LRRC4C: variants seen among roughly 807,000 people sequenced by gnomAD.
The protein encoded by LRRC4C is leucine-rich repeat-containing protein 4C.
Under a neutral mutation model 33.6 loss-of-function variants are expected in LRRC4C, and 5 were observed. The ratio of observed to expected loss-of-function variants is 0.15; its 90% CI spans 0.08 to 0.31. The LOEUF (loss-of-function observed/expected upper bound fraction) is 0.31. LRRC4C is among the 10% of genes least tolerant of loss of function. LRRC4C has a pLI of 1.00. For synonymous variants in LRRC4C, 329 were observed against 302.0 expected (o/e 1.09, Z -0.93); for missense variants, 560 against 796.7 (o/e 0.70, Z 3.58).
intron 5 of LRRC4C, among the ~76,000 whole-genome samples, chr11:40,158,261 G>C (rs1369910782): frequency 6.6e-6 from 1 of 152,070 alleles, no homozygotes; most frequent in Non-Finnish European, 1.5e-5. Flanking sequence ...GGGGACTTGG[G>C]GGGAAGAGTG....
chr11:40,637,304 A>G (rs1434048552), intron 3 of LRRC4C, among the ~76,000 whole-genome samples: 4 of 152,186 alleles, frequency 2.6e-5, no homozygotes, highest in East Asian at 1.9e-4. Context: ...ACGTCCACCA[A>G]TTCTATGGCA....
At chr11:41,246,756 G>T (rs1326742169) in intron 1 of LRRC4C, among the ~76,000 whole-genome samples, 1 of 152,160 alleles carries the variant, frequency 6.6e-6, no homozygotes, top group Non-Finnish European at 1.5e-5. Context: ...TCATTTCACT[G>T]AGAAGAAAAA....
At chr11:40,777,375 A>G (rs1248008658) in intron 2 of LRRC4C, among the ~76,000 whole-genome samples, 2 of 152,096 alleles carry the variant, frequency 1.3e-5, no homozygotes, top group Non-Finnish European at 2.9e-5. Flanking sequence ...GTAGAACTAG[A>G]AATACTTGTT....
chr11:40,859,799 G>A (rs1000737487), intron 2 of LRRC4C, among the ~76,000 whole-genome samples: 31 of 152,130 alleles, frequency 2.0e-4, no homozygotes, highest in Non-Finnish European at 3.2e-4. Flanking sequence ...GAATGAGGCC[G>A]GACGCGGTGG....
intron 2 of LRRC4C, among the ~76,000 whole-genome samples, chr11:40,685,726 T>C (rs1944919605): frequency 6.6e-6 from 1 of 151,600 alleles, no homozygotes; most frequent in South Asian, 2.1e-4. Flanking sequence ...GAGAGAGAAC[T>C]TGATCAGTAC....
At chr11:40,150,672 G>C (rs137855893) in intron 5 of LRRC4C, among the ~76,000 whole-genome samples, 2 of 152,032 alleles carry the variant, frequency 1.3e-5, no homozygotes, top group Non-Finnish European at 1.5e-5. Context: ...TCAAACCCCT[G>C]AGGCTCAAGA....
At chr11:41,406,203 C>T (rs1289449632) in intron 1 of LRRC4C, among the ~76,000 whole-genome samples, 1 of 151,800 alleles carries the variant, frequency 6.6e-6, no homozygotes, top group Non-Finnish European at 1.5e-5. Context: ...GATGCAAATA[C>T]CAAAGGAATA....
At chr11:40,296,104 A>G (rs1944498281) in intron 4 of LRRC4C, among the ~76,000 whole-genome samples, 1 of 152,136 alleles carries the variant, frequency 6.6e-6, no homozygotes, top group African/African-American at 2.4e-5. Flanking sequence ...CATCTTTAAT[A>G]CTATCAGAAT....
intron 2 of LRRC4C, among the ~76,000 whole-genome samples, chr11:40,649,627 G>C (rs1372242147): frequency 6.6e-6 from 1 of 152,084 alleles, no homozygotes; most frequent in Admixed American, 6.6e-5. Context: ...AGTTTATGAA[G>C]ATAACAGGAT....
chr11:40,328,714 T>G (rs4547083), intron 3 of LRRC4C, among the ~76,000 whole-genome samples: 1 of 152,056 alleles, frequency 6.6e-6, no homozygotes, highest in Non-Finnish European at 1.5e-5. Flanking sequence ...CCCCAGAGAA[T>G]AACTTTGATA....
chr11:40,540,886 A>T (rs1212742046), intron 3 of LRRC4C, among the ~76,000 whole-genome samples: 1 of 152,170 alleles, frequency 6.6e-6, no homozygotes, highest in Non-Finnish European at 1.5e-5. Context: ...CCACGTATTA[A>T]ATTTAACATG....
chr11:40,758,801 A>G (rs1242671974), intron 2 of LRRC4C, among the ~76,000 whole-genome samples: 1 of 151,996 alleles, frequency 6.6e-6, no homozygotes, highest in African/African-American at 2.4e-5. Context: ...TCCCAGTTCA[A>G]CTGTCAAAAT....
At chr11:40,290,710 T>A (rs181217386) in intron 4 of LRRC4C, among the ~76,000 whole-genome samples, 1 of 152,198 alleles carries the variant, frequency 6.6e-6, no homozygotes, top group Admixed American at 6.5e-5. Context: ...TTGTCGATCT[T>A]ATTTTTTTTT....
chr11:41,378,539 G>T (rs2137861970), intron 1 of LRRC4C, among the ~76,000 whole-genome samples: 1 of 152,226 alleles, frequency 6.6e-6, no homozygotes, highest in African/African-American at 2.4e-5. Flanking sequence ...AGTGGAAACA[G>T]TTCTGGGAAA....
chr11:41,391,468 T>A (rs892475782), intron 1 of LRRC4C, among the ~76,000 whole-genome samples: 11 of 151,710 alleles, frequency 7.3e-5, no homozygotes, highest in Non-Finnish European at 1.3e-4. Context: ...GGAAAAAAAA[T>A]GAAATGAGTA....
intron 1 of LRRC4C, among the ~76,000 whole-genome samples, chr11:41,188,156 AC>A (rs1945779386): frequency 6.6e-6 from 1 of 151,642 alleles, no homozygotes; most frequent in Non-Finnish European, 1.5e-5. Context: ...CCCTCCTCCC[AC>A]CCAACACACA....
chr11:40,637,219 C>T (rs1475276489), intron 3 of LRRC4C, among the ~76,000 whole-genome samples: 1 of 152,122 alleles, frequency 6.6e-6, no homozygotes, highest in East Asian at 1.9e-4. Flanking sequence ...ACATCTGCCT[C>T]TTCTAATATT....
At chr11:40,559,293 C>A (rs2135494550) in intron 3 of LRRC4C, among the ~76,000 whole-genome samples, 1 of 151,868 alleles carries the variant, frequency 6.6e-6, no homozygotes, top group East Asian at 1.9e-4. Flanking sequence ...AGTAATCCTC[C>A]CATCCCCAGC....
intron 1 of LRRC4C, among the ~76,000 whole-genome samples, chr11:41,359,910 C>T (rs181267997): frequency 7.6e-4 from 116 of 152,220 alleles, no homozygotes; most frequent in African/African-American, 2.7e-3. Flanking sequence ...TGGCCAGGCA[C>T]GGTGACTCAT....
Sources: allele counts gnomAD v4.1 joint callset (sites outside exome capture counted in the v4.1 genomes callset), GRCh38; gene constraint gnomAD v4.1.1; transcripts MANE v1.5; gene names NCBI Gene and HGNC (gene_info 2026-07-23, HGNC 2026-07-21).